Variants in CDH4 observed in about 807,000 individuals in gnomAD.
CDH4 encodes cadherin-4.
Under a neutral mutation model 86.0 loss-of-function variants are expected in CDH4, and 33 were observed. That is an observed-to-expected ratio of 0.38 (90% CI 0.29 to 0.51). CDH4 has a LOEUF of 0.51. CDH4 is among the 20% of genes least tolerant of loss of function. CDH4 has a pLI of 0.86. For synonymous variants in CDH4, 555 were observed against 549.4 expected, an observed-to-expected ratio of 1.01 and a Z score of -0.14; for missense variants, 1,114 against 1,307.4, an observed-to-expected ratio of 0.85 and a Z score of 2.28.
At chr20:61,410,345 T>C (rs1245925360) in intron 2 of CDH4, among the ~76,000 whole-genome samples, 1 of 152,152 alleles carries the variant, frequency 6.6e-6, no homozygotes, top group Non-Finnish European at 1.5e-5. Flanking sequence ...CTGTCCATCA[T>C]CTTCCATTCC....
At chr20:61,738,691 A>C (rs1396888204) in intron 2 of CDH4, 2 of 151,852 alleles carry the variant, frequency 1.3e-5, no homozygotes, top group African/African-American at 4.8e-5. Context: ...ACACCACACC[A>C]CCGCCCCCAT....
chr20:61,407,358 G>A (rs991735989), intron 2 of CDH4, among the ~76,000 whole-genome samples: 7 of 152,176 alleles, frequency 4.6e-5, no homozygotes, highest in Non-Finnish European at 1.0e-4. Flanking sequence ...TCAGCACCTG[G>A]CATCTAGCGG....
At chr20:61,490,622 C>A (rs1354383567) in intron 2 of CDH4, among the ~76,000 whole-genome samples, 2 of 152,058 alleles carry the variant, frequency 1.3e-5, no homozygotes, top group Admixed American at 6.5e-5. Flanking sequence ...TCATTTGAAC[C>A]CGGGAGGCAG....
At chr20:61,319,252 G>T (rs1001384870) in intron 2 of CDH4, among the ~76,000 whole-genome samples, 2 of 151,954 alleles carry the variant, frequency 1.3e-5, no homozygotes, top group African/African-American at 4.8e-5. Context: ...CATTTTACAG[G>T]TGGGGAAACT....
chr20:61,918,122 A>C (rs1398976338), intron 9 of CDH4, among the ~76,000 whole-genome samples: 1 of 151,948 alleles, frequency 6.6e-6, no homozygotes, highest in Non-Finnish European at 1.5e-5. Context: ...TCTGGGGGGG[A>C]CCCCAACACG....
At chr20:61,376,735 C>T (rs528032052) in intron 2 of CDH4, among the ~76,000 whole-genome samples, 1 of 152,208 alleles carries the variant, frequency 6.6e-6, no homozygotes, top group Non-Finnish European at 1.5e-5. Flanking sequence ...AGCACAGACC[C>T]CCAGGCAAGC....
chr20:61,761,408 G>A (rs1317183556), intron 3 of CDH4, among the ~76,000 whole-genome samples: 2 of 152,186 alleles, frequency 1.3e-5, no homozygotes, highest in Non-Finnish European at 2.9e-5. Flanking sequence ...AGGCATGGCC[G>A]GTCCTTCCCC....
rs959708178 is a variant in CDH4 at position 61,684,365 on chromosome 20, C to A, written c.170-59198C>A. Among the ~76,000 whole-genome samples the A allele has an allele frequency of 1.3e-5, 2 of 152,296 alleles. No homozygotes were observed. The highest frequency in any genetic ancestry group is 3.9e-4 in the East Asian group (2 of 5,178). ...CTAAGGAAGCAGCAAGCGCGGAGCACGTGGCCTCAACCTCCGTCTTGCTTA... is the reference window on the plus strand; with the variant it reads ...CTAAGGAAGCAGCAAGCGCGGAGCAAGTGGCCTCAACCTCCGTCTTGCTTA... On this transcript the variant is annotated intron_variant, in intron 2 of 15. Transcript: ENST00000614565. This position sits in a 1 kb window ranked among gnomAD's most constrained non-coding sequence, Gnocchi z 4.5.
intron 2 of CDH4, among the ~76,000 whole-genome samples, chr20:61,688,240 C>T (rs1235999020): frequency 6.6e-6 from 1 of 152,056 alleles, no homozygotes; most frequent in Non-Finnish European, 1.5e-5. Context: ...TTAAATTGAG[C>T]AATACCATGC....
chr20:61,391,971 A>G (rs946368413), intron 2 of CDH4, among the ~76,000 whole-genome samples: 2 of 151,932 alleles, frequency 1.3e-5, no homozygotes, highest in Non-Finnish European at 2.9e-5. Context: ...AGCAATTGGG[A>G]GAAAGACAGC....
In CDH4 at chr20:61,901,648, C is replaced by T. The variant is rs147596146; in HGVS notation, c.1188+6601C>T. On this transcript the variant is annotated intron_variant, in intron 8 of 15. Coordinates refer to ENST00000614565, the MANE Select transcript of CDH4 (RefSeq NM_001794.5). ...TCCAATTAGATGCCCTCGTCCACAC[C>T]GGGCTCCGGCCGGGAGAAGCAGCAC... is the stretch of plus-strand genomic sequence containing the variant. Among the ~76,000 whole-genome samples, 775 of 152,344 alleles carry T rather than the reference C, an allele frequency of 5.1e-3. 6 individuals are homozygous for T. The highest frequency in any genetic ancestry group is 0.018 in the African/African-American group (738 of 41,578).
chr20:61,282,165 C>A (rs1421142264), intron 2 of CDH4, among the ~76,000 whole-genome samples: 5 of 152,132 alleles, frequency 3.3e-5, no homozygotes, highest in African/African-American at 1.2e-4. Flanking sequence ...TCGAGACCAG[C>A]CTGGCCAACA....
At chr20:61,344,639 G>C (rs986032688) in intron 2 of CDH4, among the ~76,000 whole-genome samples, 6 of 152,140 alleles carry the variant, frequency 3.9e-5, no homozygotes, top group African/African-American at 1.4e-4. Flanking sequence ...TTTCCCTGTT[G>C]CTCATTAATT....
chr20:61,507,449 G>A (rs1290743862), intron 2 of CDH4, among the ~76,000 whole-genome samples: 2 of 152,196 alleles, frequency 1.3e-5, no homozygotes, highest in Non-Finnish European at 2.9e-5. Context: ...CCAGCAGCAC[G>A]TGACCGGGCT....
intron 2 of CDH4, among the ~76,000 whole-genome samples, chr20:61,652,944 T>TTTTTTTTTTTTTTC (rs2087140234): frequency 8.9e-6 from 1 of 112,444 alleles, no homozygotes; most frequent in Non-Finnish European, 2.0e-5. Flanking sequence ...ATTTATTTTT[T>TTTTTTTTTTTTTTC]TTTTTTTTTT....
chr20:61,286,881 T>C (rs1001390525), intron 2 of CDH4, among the ~76,000 whole-genome samples: 1 of 152,248 alleles, frequency 6.6e-6, no homozygotes. Flanking sequence ...AAGTTTAATA[T>C]CAAGTAGGCC....
chr20:61,301,819 A>G (rs971410032), intron 2 of CDH4, among the ~76,000 whole-genome samples: 2 of 152,246 alleles, frequency 1.3e-5, no homozygotes, highest in African/African-American at 4.8e-5. Context: ...AGAGTACAAC[A>G]TAAAACTCTG....
chr20:61,421,175 C>A (rs2085175918), intron 2 of CDH4, among the ~76,000 whole-genome samples: 1 of 152,306 alleles, frequency 6.6e-6, no homozygotes, highest in South Asian at 2.1e-4. Context: ...AAGGTAGGCT[C>A]CTGGGGCCGA....
chr20:61,320,477 C>G (rs1180067730), intron 2 of CDH4, among the ~76,000 whole-genome samples: 3 of 152,010 alleles, frequency 2.0e-5, no homozygotes, highest in Admixed American at 1.3e-4. Context: ...GAGCGGTGAC[C>G]TGGTGGTCTC....
Sources: allele counts gnomAD v4.1 joint callset (sites outside exome capture counted in the v4.1 genomes callset), GRCh38; gene constraint gnomAD v4.1.1; non-coding constraint Gnocchi (gnomAD v3.1); transcripts MANE v1.5; gene names NCBI Gene and HGNC (gene_info 2026-07-23, HGNC 2026-07-21).